The following CAST variants were observed in gnomAD, a reference collection of about 807,000 sequenced individuals.
CAST encodes the protein calpastatin.
Under a neutral mutation model 119.6 loss-of-function variants are expected in CAST, and 76 were observed. That is an observed-to-expected ratio of 0.64 (90% confidence interval 0.53 to 0.77). CAST has a LOEUF of 0.77. CAST is among the 30% of genes least tolerant of loss of function. The pLI, the probability that CAST is intolerant of heterozygous loss-of-function variation, is 0.00. For synonymous variants in CAST, 319 were observed against 331.6 expected (o/e 0.96, Z 0.41); for missense variants, 953 against 946.5 (o/e 1.01, Z -0.09).
chr5:96,215,087 C>A, the CAST span: 3 of 152,126 alleles, frequency 2.0e-5, no homozygotes, highest in Admixed American at 1.3e-4. Flanking sequence ...AGCAGAAAAA[C>A]CAGATGAGGA....
At chr5:96,028,985 C>T in the CAST span, among the ~76,000 whole-genome samples, 3 of 152,172 alleles carry the variant, frequency 2.0e-5, no homozygotes, top group Non-Finnish European at 2.9e-5. Flanking sequence ...ATTTATGGCA[C>T]ACAGTTTGAA....
chr5:96,616,728 C>T (rs1306262085), intron 1 of CAST, among the ~76,000 whole-genome samples: 5 of 128,482 alleles, frequency 3.9e-5, no homozygotes, highest in Admixed American at 1.6e-4. Flanking sequence ...AGCGCTCGCT[C>T]GCTCTCTCTC....
At position 96,774,491 on chromosome 5, in the gene CAST, C is replaced by CAA. The variant is rs1773611293; in HGVS notation, c.*1877_*1878dup. The CAA allele has an allele frequency of 3.0e-6, 3 of 986,224 alleles. No individual in the cohort carries two copies. Among genetic ancestry groups the CAA allele is most frequent in the Non-Finnish European group, 3.6e-6 (3 of 829,392 alleles). 61.1% of individuals were successfully genotyped at this position (986,224 alleles called of 1,614,324 possible). A position where few individuals can be genotyped will look rare whatever the true frequency, so the allele number is the denominator to read the frequency against. On this transcript the variant is annotated 3_prime_UTR_variant, in exon 32 of 32. Transcript: ENST00000675179. ...ATAATTGCAAATATCCACTTAGAGGCAAAGAACAATTTTTTATTATCAAAA... is the reference window on the plus strand; with the variant it reads ...ATAATTGCAAATATCCACTTAGAGGCAAAAAGAACAATTTTTTATTATCAAAA...
the CAST span, among the ~76,000 whole-genome samples, chr5:96,456,743 C>A: frequency 6.6e-6 from 1 of 152,144 alleles, no homozygotes; most frequent in Non-Finnish European, 1.5e-5. Flanking sequence ...CTGGCTGTGT[C>A]CCCACCCAAA....
In CAST at chr5:96,762,296, C is replaced by G. The variant is rs200609873; in HGVS notation, c.1856C>G (p.Ala619Gly). The change falls in exon 25 of 32, where the codon GCT (alanine) becomes GGT (glycine). Residue 619 changes from alanine (A) to glycine (G), a missense_variant. Physicochemically the swap from Ala to Gly is moderately conservative, Grantham distance 60. Transcript: ENST00000675179. ...AAGAAATTTGAAGATGCTAAACTTG[C>G]TGCTGCCATCTCTGAAGTGGTTTCC... ...SSLKFEDAKL[A>G]AAISEVVSQT... The G allele has an allele frequency of 3.7e-6, 6 of 1,607,100 alleles. No homozygotes were observed. The highest frequency in any genetic ancestry group is 3.4e-6 in the Non-Finnish European group (4 of 1,177,858).
chr5:95,988,303 T>C, the CAST span, among the ~76,000 whole-genome samples: 2 of 152,154 alleles, frequency 1.3e-5, no homozygotes, highest in Non-Finnish European at 2.9e-5. Context: ...TTTGTTAAAG[T>C]GGAACATTAA....
At chr5:96,648,361 C>T (rs1748049062) in intron 1 of CAST, among the ~76,000 whole-genome samples, 1 of 152,142 alleles carries the variant, frequency 6.6e-6, no homozygotes, top group South Asian at 2.1e-4. Context: ...GTTTACACTC[C>T]TCTCCTCATA....
At chr5:96,346,134 T>C in the CAST span, among the ~76,000 whole-genome samples, 1 of 152,124 alleles carries the variant, frequency 6.6e-6, no homozygotes, top group South Asian at 2.1e-4. Flanking sequence ...ATGAGTGACA[T>C]TTAGAAGAAT....
chr5:95,967,448 A>G, the CAST span, among the ~76,000 whole-genome samples: 1 of 151,980 alleles, frequency 6.6e-6, no homozygotes, highest in Admixed American at 6.6e-5. Flanking sequence ...AAATAAATAA[A>G]TAAGTAAATT....
At chr5:96,025,736 T>G in the CAST span, among the ~76,000 whole-genome samples, 2 of 152,186 alleles carry the variant, frequency 1.3e-5, no homozygotes, top group Non-Finnish European at 2.9e-5. Context: ...TTGAACTAAC[T>G]GGGGCTGTCA....
chr5:96,463,686 G>A, the CAST span, among the ~76,000 whole-genome samples: 2 of 151,942 alleles, frequency 1.3e-5, no homozygotes, highest in Non-Finnish European at 2.9e-5. Flanking sequence ...AGTCATATTT[G>A]GATTAGTGGG....
the CAST span, among the ~76,000 whole-genome samples, chr5:96,409,357 T>C: frequency 1.3e-5 from 2 of 152,218 alleles, no homozygotes; most frequent in African/African-American, 2.4e-5. Flanking sequence ...TCTCAAGTTA[T>C]GATGGCTCTG....
chr5:96,375,453 CATGAGTTTACTCTT>C, the CAST span, among the ~76,000 whole-genome samples: 2 of 150,146 alleles, frequency 1.3e-5, no homozygotes, highest in African/African-American at 2.5e-5. Flanking sequence ...TTACTATGCA[CATGAGTTTACTCTT>C]ATGAGTTTAC....
chr5:96,260,476 T>G, the CAST span, among the ~76,000 whole-genome samples: 4 of 152,346 alleles, frequency 2.6e-5, no homozygotes, highest in African/African-American at 9.6e-5. Context: ...GAAAGTACCT[T>G]TGTGAAAGCT....
intron 3 of CAST, among the ~76,000 whole-genome samples, chr5:96,700,522 G>A (rs2150314470): frequency 6.6e-6 from 1 of 152,316 alleles, no homozygotes; most frequent in African/African-American, 2.4e-5. Flanking sequence ...GGAAGTCCAG[G>A]ATGAGGCTGA....
chr5:96,394,829 A>C, the CAST span: 1 of 1,608,944 alleles, frequency 6.2e-7, no homozygotes, highest in Non-Finnish European at 8.5e-7. Flanking sequence ...ACCCCAGTTC[A>C]AAAGAGAGCA....
the CAST span, among the ~76,000 whole-genome samples, chr5:96,046,209 C>T: frequency 1.4e-4 from 21 of 151,422 alleles, no homozygotes; most frequent in African/African-American, 4.1e-4. Flanking sequence ...CGTTGCAGGC[C>T]GTTGTATTTT....
chr5:96,395,463 TA>T, the CAST span, among the ~76,000 whole-genome samples: 1 of 152,078 alleles, frequency 6.6e-6, no homozygotes, highest in African/African-American at 2.4e-5. Flanking sequence ...TATGCAGCCA[TA>T]AAAAAGAGTG....
chr5:96,720,639 C>T (rs1461583335), intron 3 of CAST, among the ~76,000 whole-genome samples: 1 of 152,246 alleles, frequency 6.6e-6, no homozygotes, highest in Non-Finnish European at 1.5e-5. Context: ...CACCCTGCGC[C>T]ATTGCTGATT....
Sources: allele counts gnomAD v4.1 joint callset (sites outside exome capture counted in the v4.1 genomes callset), GRCh38; gene constraint gnomAD v4.1.1; transcripts MANE v1.5; gene names NCBI Gene and HGNC (gene_info 2026-07-23, HGNC 2026-07-21).